The following FBH1 variants were observed in gnomAD, a reference collection of about 807,000 sequenced individuals.
FBH1 encodes DNA 3'-5' helicase 1.
A neutral mutation model predicts 115.5 loss-of-function variants in FBH1; 43 were observed. That is an observed-to-expected ratio of 0.37 (90% CI 0.29 to 0.48). The LOEUF is 0.48. Ranked by LOEUF, FBH1 falls within the 20% of genes least tolerant of loss-of-function variation. FBH1 has a pLI of 0.99. For synonymous variants in FBH1, 524 were observed against 507.8 expected (o/e 1.03, Z -0.43); for missense variants, 1,001 against 1,337.3 (o/e 0.75, Z 3.92).
Position 5,924,745 on chromosome 10 carries a change from T to G in FBH1, c.2596+237T>G, listed in dbSNP as rs1357522104. 1 of 567,678 alleles carries G rather than the reference T, an allele frequency of 1.8e-6. No homozygotes were observed. The allele number at this position is 567,678 out of a possible 1,614,324, so 35.2% of individuals were successfully genotyped here. A position where few individuals can be genotyped will look rare whatever the true frequency, so the allele number is the denominator to read the frequency against. On this transcript the variant is annotated intron_variant, in intron 17 of 20. Transcript: ENST00000362091. This position sits in a 1 kb window ranked among gnomAD's most constrained non-coding sequence, Gnocchi z 6.2. ...CCAGCCCGGCTAGTTTGTGTATTTT[T>G]TGTAGAGATGGAGTCTCACCATGTT...
Position 5,923,887 on chromosome 10 carries a change from ATCC to A in FBH1, c.2398+197_2398+199del. 1 of 595,574 alleles carries A rather than the reference ATCC, an allele frequency of 1.7e-6. No individual in the cohort carries two copies. Among genetic ancestry groups the A allele is most frequent in the Non-Finnish European group, 3.0e-6 (1 of 337,948 alleles). 36.9% of individuals were successfully genotyped at this position (595,574 alleles called of 1,614,324 possible). On this transcript the variant is annotated intron_variant, in intron 16 of 20. Coordinates refer to ENST00000362091, the MANE Select transcript of FBH1 (RefSeq NM_178150.3). This position sits in a 1 kb window ranked among gnomAD's most constrained non-coding sequence, Gnocchi z 5.7. ...CATAGGTACTGACAGATTTTTCCAG[ATCC>A]TCCTCACAGGAGCCTCAGTCTCTTT...
intron 6 of FBH1, among the ~76,000 whole-genome samples, chr10:5,912,038 C>G (rs866508771): frequency 8.4e-4 from 128 of 152,110 alleles, no homozygotes; most frequent in African/African-American, 3.0e-3. Flanking sequence ...TGGACAGGGA[C>G]AGTTGAGGGA....
At chr10:5,904,546 A>G (rs1435308006) in intron 2 of FBH1, among the ~76,000 whole-genome samples, 1 of 152,128 alleles carries the variant, frequency 6.6e-6, no homozygotes, top group African/African-American at 2.4e-5. Flanking sequence ...GTGTGACTGG[A>G]TTCAACAGTT....
intron 1 of FBH1, chr10:5,891,215 C>G (rs1842703691): frequency 1.0e-6 from 1 of 981,568 alleles, no homozygotes; most frequent in African/African-American, 1.8e-5. Context: ...GAAAAGACTT[C>G]TGGAATGGGC....
chr10:5,920,931 T>C (rs1249092246), intron 13 of FBH1, among the ~76,000 whole-genome samples: 2 of 152,176 alleles, frequency 1.3e-5, no homozygotes, highest in Non-Finnish European at 2.9e-5. Context: ...TTAAAGGTAG[T>C]GTGGAGAGGG....
At position 5,914,263 on chromosome 10, in the gene FBH1, T is replaced by C; in HGVS notation, c.1390T>C (p.Phe464Leu). The change falls in exon 8 of 21, where the codon TTT becomes CTT. Residue 464 changes from phenylalanine to leucine, a missense_variant. By Grantham distance (22) the Phe-to-Leu change is conservative. This residue lies in a region of FBH1 where 521 missense variants were observed against 811.0 expected (regional missense o/e 0.64). Coordinates refer to ENST00000362091, the MANE Select transcript of FBH1 (RefSeq NM_178150.3). The surrounding 1 kb of genome is among the most constrained non-coding windows in gnomAD (Gnocchi z 5.2). ...TCTCCAGGTGGTGAAAATTATGGCC[T>C]TTGCCGGTAAGGGAGCCCACATCAG... Reference protein sequence around the residue: ...EPLQVVKIMAFAGTGKTSTLV... With the variant: ...EPLQVVKIMALAGTGKTSTLV... 1 of 1,614,218 alleles carries C rather than the reference T, an allele frequency of 6.2e-7. No individual in the cohort carries two copies. Among genetic ancestry groups the C allele is most frequent in the South Asian group, 1.1e-5 (1 of 91,084 alleles).
Position 5,923,720 on chromosome 10 carries a change from G to T in FBH1, c.2398+24G>T. 1.9e-5 allele frequency: 30 copies of T among 1,602,226 alleles called. No homozygotes were observed. The highest frequency in any genetic ancestry group is 2.6e-5 in the Non-Finnish European group (30 of 1,171,146). On this transcript the variant is annotated intron_variant, in intron 16 of 20. Transcript: ENST00000362091. The surrounding 1 kb of genome is among the most constrained non-coding windows in gnomAD (Gnocchi z 5.7). ...ACGTGAGTACCCACCTGGCCTTGGT[G>T]CATTGGAAGGACGCACCCAAGTGAC... is the stretch of plus-strand genomic sequence containing the variant.
chr10:5,898,550 A>C (rs1564431550), intron 1 of FBH1, among the ~76,000 whole-genome samples: 1 of 152,070 alleles, frequency 6.6e-6, no homozygotes, highest in Non-Finnish European at 1.5e-5. Flanking sequence ...AGCTGGGGTT[A>C]CAGGTGCCCG....
At chr10:5,903,302 C>G in intron 2 of FBH1, 127 bp downstream of exon 2, 1 of 588,684 alleles carries the variant, frequency 1.7e-6, no homozygotes, top group Non-Finnish European at 2.6e-6. Flanking sequence ...AATAGCTTGA[C>G]ACTTTTTTTA....
At position 5,925,958 on chromosome 10, in the gene FBH1, CAG is replaced by C. The variant is rs1832621572; in HGVS notation, c.2722+467_2722+468del. 1.3e-5 allele frequency among the ~76,000 whole-genome samples: 2 copies of C among 152,030 alleles called. No homozygotes were observed. Among genetic ancestry groups the C allele is most frequent in the African/African-American group, 4.8e-5 (2 of 41,372 alleles). ...TTTGTCTGGTGTTTTTTGGTACAGA[CAG>C]GGGTCTCACTATGTTGCTCAGGCTG... On this transcript the variant is annotated intron_variant, in intron 18 of 20. Transcript: ENST00000362091. The surrounding 1 kb of genome is among the most constrained non-coding windows in gnomAD (Gnocchi z 4.6).
In FBH1 at chr10:5,903,860, A is replaced by G. The variant is rs185593660; in HGVS notation, c.157+685A>G. ...TGTTTTTCCTCCAAAATATTCCTTCATCCTGAGCTCTTTGTCACCTAGGAC... is the reference window on the plus strand; with the variant it reads ...TGTTTTTCCTCCAAAATATTCCTTCGTCCTGAGCTCTTTGTCACCTAGGAC... On this transcript the variant is annotated intron_variant, in intron 2 of 20. Transcript: ENST00000362091. Among the ~76,000 whole-genome samples the G allele has an allele frequency of 5.0e-3, 767 of 152,218 alleles. 4 individuals are homozygous for G. The highest frequency in any genetic ancestry group is 0.01 in the Middle Eastern group (3 of 294).
Position 5,922,103 on chromosome 10 carries a change from T to C in FBH1, c.2322+534T>C, listed in dbSNP as rs1832347756. ...CATTTTTAACCCTGAAGCACAGTTA[T>C]ATGATAAAAAGATATTCACTCATTC... is the stretch of plus-strand genomic sequence containing the variant. On this transcript the variant is annotated intron_variant, in intron 15 of 20. Transcript: ENST00000362091. 2.6e-5 allele frequency among the ~76,000 whole-genome samples: 4 copies of C among 152,240 alleles called. No homozygotes were observed. The South Asian group carries it at 6.2e-4, about 24-fold the overall frequency.
In FBH1 at chr10:5,933,747, G is replaced by C. The variant is rs1231364803; in HGVS notation, c.2830-2709G>C. ...AACCTCGGCCTCCTGGGTTCAAGCT[G>C]TTCTCCTGTGTCAGCCTCTCAAGTA... On this transcript the variant is annotated intron_variant, in intron 19 of 20. Coordinates refer to ENST00000362091, the MANE Select transcript of FBH1 (RefSeq NM_178150.3). This position sits in a 1 kb window ranked among gnomAD's most constrained non-coding sequence, Gnocchi z 4.9. 1.3e-5 allele frequency among the ~76,000 whole-genome samples: 2 copies of C among 151,736 alleles called. No homozygotes were observed. Among genetic ancestry groups the C allele is most frequent in the Non-Finnish European group, 2.9e-5 (2 of 67,940 alleles).
At chr10:5,908,891 C>CT (rs1831381778) in intron 3 of FBH1, 34 bp from the exon 4 acceptor site, 1 of 1,611,298 alleles carries the variant, frequency 6.2e-7, no homozygotes, top group African/African-American at 1.3e-5. Context: ...GGCCCTTTGC[C>CT]TCATGTTATT....
rs1833016714 is a variant in FBH1, at chr10:5,932,387, C to T, written c.2830-4069C>T. ...TTTGTCACTTAGAAGCCATGGGAAT[C>T]ACTCTTTTATTTATTTTTTACTCTT... is the stretch of plus-strand genomic sequence containing the variant. On this transcript the variant is annotated intron_variant, in intron 19 of 20. Transcript: ENST00000362091. This position sits in a 1 kb window ranked among gnomAD's most constrained non-coding sequence, Gnocchi z 5.9. Among the ~76,000 whole-genome samples, 1 of 152,190 alleles carries T rather than the reference C, an allele frequency of 6.6e-6. No individual in the cohort carries two copies. Among genetic ancestry groups the T allele is most frequent in the Admixed American group, 6.5e-5 (1 of 15,276 alleles).
rs560745981 is a variant in FBH1 at position 5,924,423 on chromosome 10, C to G, written c.2511C>G (p.Ile837Met). The change falls in exon 17 of 21, where the codon ATC (isoleucine) becomes ATG (methionine). Residue 837 changes from isoleucine to methionine, a missense_variant. Around this residue, in one of 4 missense-constraint regions of FBH1, gnomAD observed 521 missense variants for 811.0 expected, o/e 0.64. Transcript: ENST00000362091. This position sits in a 1 kb window ranked among gnomAD's most constrained non-coding sequence, Gnocchi z 6.2. ...AGGACAAGGAGCTTGAAGCCAAGAT[C>G]GCAGTTGTTGAAAAGTATAACATCA... ...AAEDKELEAK[I>M]AVVEKYNIRI... is the part of the protein sequence containing the mutation. 6.2e-7 allele frequency: 1 copy of G among 1,614,122 alleles called. No individual in the cohort carries two copies. Among genetic ancestry groups the G allele is most frequent in the East Asian group, 2.2e-5 (1 of 44,888 alleles).
Position 5,914,911 on chromosome 10 carries a change from C to T in FBH1, c.1397-492C>T, listed in dbSNP as rs186487961. Among the ~76,000 whole-genome samples the T allele has an allele frequency of 2.6e-5, 4 of 152,122 alleles. No individual in the cohort carries two copies. Among genetic ancestry groups the T allele is most frequent in the African/African-American group, 7.2e-5 (3 of 41,412 alleles). ...CATTGTGCTGATCCTGATAGCATTCCGTAAGGTTGCTTAGTTATTCTTGTT... is the reference window on the plus strand; with the variant it reads ...CATTGTGCTGATCCTGATAGCATTCTGTAAGGTTGCTTAGTTATTCTTGTT... On this transcript the variant is annotated intron_variant, in intron 8 of 20. Transcript: ENST00000362091. The surrounding 1 kb of genome is among the most constrained non-coding windows in gnomAD (Gnocchi z 5.2).
At chr10:5,890,543 G>T (rs1295604312) in intron 1 of FBH1, among the ~76,000 whole-genome samples, 197 bp downstream of exon 1, 1 of 150,610 alleles carries the variant, frequency 6.6e-6, no homozygotes, top group African/African-American at 2.4e-5. Context: ...GGGCGCGGCG[G>T]GGGTGCGCGG....
rs993191929 is a variant in FBH1 at position 5,915,555 on chromosome 10, G to A, written c.1549G>A (p.Gly517Arg). The change falls in exon 9 of 21, where the codon GGG becomes AGG. Residue 517 changes from glycine to arginine, a missense_variant. By Grantham distance (125) the Gly-to-Arg change is moderately radical. Coordinates refer to ENST00000362091, the MANE Select transcript of FBH1 (RefSeq NM_178150.3). The surrounding 1 kb of genome is among the most constrained non-coding windows in gnomAD (Gnocchi z 5.2). ...CAAAACCTTCCACTCCATGGCCTAC[G>A]GGCACATAGGGCGGAAGTGAGTACT... is the stretch of plus-strand genomic sequence containing the variant. ...ICKTFHSMAY[G>R]HIGRKYQSKK... 20 of 1,614,024 alleles carry A rather than the reference G, an allele frequency of 1.2e-5. No individual in the cohort carries two copies. Among genetic ancestry groups the A allele is most frequent in the African/African-American group, 2.7e-5 (2 of 74,930 alleles).
Sources: gnomAD v4.1 joint callset for allele counts (sites outside exome capture counted in the v4.1 genomes callset) on GRCh38, gnomAD v4.1.1 for gene constraint, gnomAD v4.1.1 regional missense constraint, Gnocchi (gnomAD v3.1) non-coding constraint, MANE v1.5 for transcripts, NCBI Gene and HGNC (gene_info 2026-07-23, HGNC 2026-07-21) for gene names.